The following MON1B variants were observed in gnomAD, a reference collection of about 807,000 sequenced individuals.
MON1B encodes the protein MON1 vesicular trafficking associated B, also known as vacuolar fusion protein MON1 homolog B.
MON1B carries 26 observed loss-of-function variants against 45.1 expected under a neutral mutation model. That is an observed-to-expected ratio of 0.58 (90% CI 0.42 to 0.80). MON1B has a LOEUF of 0.80. Among genes scored for constraint, MON1B ranks in the 30% least tolerant of loss-of-function variants. The pLI is 0.00. For synonymous variants in MON1B, 395 were observed against 320.2 expected (o/e 1.23, Z -2.49); for missense variants, 737 against 754.5 (o/e 0.98, Z 0.27).
chr16:77,200,291 T>TATACATATATATATATATATATAC lies in MON1B; in HGVS notation c.*1984_*1985insTACATATATATATATATATATACA. The TATACATATATATATATATATATAC allele has an allele frequency of 9.0e-6, 1 of 111,430 alleles. No individual in the cohort carries two copies. The highest frequency in any genetic ancestry group is 1.9e-5 in the Non-Finnish European group (1 of 52,240). The allele number at this position is 111,430 out of a possible 1,614,324, so 6.9% of individuals were successfully genotyped here. A position where few individuals can be genotyped will look rare whatever the true frequency, so the allele number is the denominator to read the frequency against. On this transcript the variant is annotated 3_prime_UTR_variant, in exon 6 of 6. Coordinates refer to ENST00000248248, the MANE Select transcript of MON1B (RefSeq NM_014940.4). ...ATATATGTGTATATATATATATATA[T>TATACATATATATATATATATATAC]ACACACACTAATCAGCCGGGCGCGG...
At position 77,199,433 on chromosome 16, in the gene MON1B, G is replaced by T. The variant is rs11544784; in HGVS notation, c.*1125G>T. The T allele has an allele frequency of 1.3e-6, 2 of 1,551,186 alleles. No individual in the cohort carries two copies. Among genetic ancestry groups the T allele is most frequent in the South Asian group, 1.2e-5 (1 of 84,018 alleles). On this transcript the variant is annotated 3_prime_UTR_variant, in exon 6 of 6. Coordinates refer to ENST00000248248, the MANE Select transcript of MON1B (RefSeq NM_014940.4). The stretch of plus-strand genomic sequence containing the variant: ...ACCAGTCATCAAGCGAGGCTCGCGC[G>T]CAGGCCCCGCGTTGGAAAATGGCGG...
In MON1B at chr16:77,191,480, G is replaced by A. The variant is rs370707619; in HGVS notation, c.-6G>A. On this transcript the variant is annotated 5_prime_UTR_variant, in exon 2 of 6. The change creates a new upstream start codon in the 5' untranslated region. Coordinates refer to ENST00000248248, the MANE Select transcript of MON1B (RefSeq NM_014940.4). Reference sequence around the variant, plus strand: ...CTCGATTCCCCTCCCACTCAGGGATGTGCAGATGGAGGTCGGAGGAGACAC... The same window carrying A: ...CTCGATTCCCCTCCCACTCAGGGATATGCAGATGGAGGTCGGAGGAGACAC... 11 of 1,600,202 alleles carry A rather than the reference G, an allele frequency of 6.9e-6. No individual in the cohort carries two copies. Among genetic ancestry groups the A allele is most frequent in the Non-Finnish European group, 9.4e-6 (11 of 1,175,504 alleles).
At position 77,193,937 on chromosome 16, in the gene MON1B, T is replaced by A; in HGVS notation, c.475+160T>A. 1.4e-6 allele frequency: 1 copy of A among 694,674 alleles called. No individual in the cohort carries two copies. The highest frequency in any genetic ancestry group is 2.4e-6 in the Non-Finnish European group (1 of 422,538). 43.0% of individuals were successfully genotyped at this position (694,674 alleles called of 1,614,324 possible). ...TGTCAGTGGCGGGAGGTGGGGGGGT[T>A]CATCTCTGTCTGGCCTGCTGGTTTC... On this transcript the variant is annotated intron_variant, in intron 3 of 5. Coordinates refer to ENST00000248248, the MANE Select transcript of MON1B (RefSeq NM_014940.4). The surrounding 1 kb of genome is among the most constrained non-coding windows in gnomAD (Gnocchi z 5.0).
intron 5 of MON1B, among the ~76,000 whole-genome samples, chr16:77,196,197 G>A (rs1342580934): frequency 3.3e-5 from 5 of 152,160 alleles, no homozygotes; most frequent in Admixed American, 6.5e-5. Flanking sequence ...AGTGAAGGAG[G>A]CCTCATCAGA....
chr16:77,196,355 T>G (rs888010399), intron 5 of MON1B, among the ~76,000 whole-genome samples: 8 of 151,526 alleles, frequency 5.3e-5, no homozygotes, highest in Non-Finnish European at 7.4e-5. Context: ...AAAAACAATA[T>G]AAAGAGTTTT....
In MON1B at chr16:77,194,678, G is replaced by T; in HGVS notation, c.819G>T (p.Leu273=). The part of the protein sequence containing the change: ...ALLRRCTAPG[L]ALSVLAVGGR... ...TCCGACGTTGCACAGCGCCTGGCCT[G>T]GCGCTGTCAGTGCTGGCAGTAGGCG... Residue 273 remains leucine, a synonymous_variant, in exon 4 of 6, where the codon CTG becomes CTT. Transcript: ENST00000248248. This position sits in a 1 kb window ranked among gnomAD's most constrained non-coding sequence, Gnocchi z 8.1. 2 of 1,613,908 alleles carry T rather than the reference G, an allele frequency of 1.2e-6. No individual in the cohort carries two copies. The highest frequency in any genetic ancestry group is 1.7e-6 in the Non-Finnish European group (2 of 1,179,894).
Position 77,194,288 on chromosome 16 carries a change from A to G in MON1B, c.476-47A>G, listed in dbSNP as rs765747197. On this transcript the variant is annotated intron_variant, in intron 3 of 5. Coordinates refer to ENST00000248248, the MANE Select transcript of MON1B (RefSeq NM_014940.4). This position sits in a 1 kb window ranked among gnomAD's most constrained non-coding sequence, Gnocchi z 8.1. ...AGAGCCCCACTGTCTCCCTCTGGTC[A>G]TTCCTGATCCAGCTGTACCCCCCCT... 2.6e-6 allele frequency: 4 copies of G among 1,523,202 alleles called. No individual in the cohort carries two copies. The highest frequency in any genetic ancestry group is 9.0e-7 in the Non-Finnish European group (1 of 1,111,278). 94.4% of individuals were successfully genotyped at this position (1,523,202 alleles called of 1,614,324 possible).
Position 77,198,597 on chromosome 16 carries a change from C to G in MON1B, c.*289C>G, listed in dbSNP as rs986987070. On this transcript the variant is annotated 3_prime_UTR_variant, in exon 6 of 6. Transcript: ENST00000248248. The stretch of plus-strand genomic sequence containing the variant: ...ACTTGGATGATGCTCTAGCCTCTGT[C>G]AGGGACTGTCCCCTCCAAACTTGCT... 1 of 449,874 alleles carries G rather than the reference C, an allele frequency of 2.2e-6. No homozygotes were observed. Among genetic ancestry groups the G allele is most frequent in the Non-Finnish European group, 4.1e-6 (1 of 244,090 alleles). The allele number at this position is 449,874 out of a possible 1,614,324, so 27.9% of individuals were successfully genotyped here. A position where few individuals can be genotyped will look rare whatever the true frequency, so the allele number is the denominator to read the frequency against.
At chr16:77,195,718 C>A in intron 5 of MON1B, 36 bp downstream of exon 5, 1 of 1,608,910 alleles carries the variant, frequency 6.2e-7, no homozygotes, top group Non-Finnish European at 8.5e-7. Flanking sequence ...ATTAATTCCC[C>A]ACTTCAAGCC....
chr16:77,191,334 T>C, intron 1 of MON1B, 76 bp downstream of exon 1: 1 of 1,552,192 alleles, frequency 6.4e-7, no homozygotes, highest in Non-Finnish European at 8.8e-7. Context: ...GGGACGTATT[T>C]GGGCATGATT....
In MON1B at chr16:77,194,072, CA is replaced by C. The variant is rs1289308815; in HGVS notation, c.476-262del. On this transcript the variant is annotated intron_variant, in intron 3 of 5. Coordinates refer to ENST00000248248, the MANE Select transcript of MON1B (RefSeq NM_014940.4). The surrounding 1 kb of genome is among the most constrained non-coding windows in gnomAD (Gnocchi z 8.1). ...GAGCTGTGTCTTTCTGGCTCTGTGT[CA>C]GCCCTTGTACCATCTCTACCCGCCT... 5 of 600,536 alleles carry C rather than the reference CA, an allele frequency of 8.3e-6. No individual in the cohort carries two copies. In the African/African-American group the frequency reaches 9.3e-5, roughly 11 times the overall value. The allele number at this position is 600,536 out of a possible 1,614,324, so 37.2% of individuals were successfully genotyped here. A position where few individuals can be genotyped will look rare whatever the true frequency, so the allele number is the denominator to read the frequency against.
chr16:77,195,406 G>A, intron 4 of MON1B, 129 bp from the exon 5 acceptor site: 1 of 1,262,146 alleles, frequency 7.9e-7, no homozygotes, highest in Non-Finnish European at 1.1e-6. Context: ...CAACCCCTGA[G>A]AATCCTCAAG....
rs900680891 is a variant in MON1B, at chr16:77,196,312, T to C, written c.1443+630T>C. Among the ~76,000 whole-genome samples, 6 of 152,284 alleles carry C rather than the reference T, an allele frequency of 3.9e-5. No individual in the cohort carries two copies. The East Asian group carries it at 1.2e-3, about 29-fold the overall frequency. ...TTTTGTTTTTAAATTTTTTTAACTT[T>C]CATTTTCAAATAACTTTAGACTTAG... On this transcript the variant is annotated intron_variant, in intron 5 of 5. Coordinates refer to ENST00000248248, the MANE Select transcript of MON1B (RefSeq NM_014940.4).
chr16:77,191,887 G>A (rs193149880), intron 2 of MON1B, among the ~76,000 whole-genome samples: 1 of 152,278 alleles, frequency 6.6e-6, no homozygotes, highest in East Asian at 1.9e-4. Flanking sequence ...AAAGGGGGCT[G>A]TTAGGACCAA....
Position 77,198,104 on chromosome 16 carries a change from C to T in MON1B, c.1444-4C>T, listed in dbSNP as rs533786757. ...TCTGACTCTGTCTCCTCCGAAACCC[C>T]CAGGTGACCTCCAAATTCGAGCTCT... On this transcript the variant is annotated splice_region_variant and splice_polypyrimidine_tract_variant and intron_variant, in intron 5 of 5. Coordinates refer to ENST00000248248, the MANE Select transcript of MON1B (RefSeq NM_014940.4). 4 of 1,613,968 alleles carry T rather than the reference C, an allele frequency of 2.5e-6. No individual in the cohort carries two copies. Among genetic ancestry groups the T allele is most frequent in the Non-Finnish European group, 3.4e-6 (4 of 1,179,968 alleles).
In MON1B at chr16:77,201,301, C is replaced by T. The variant is rs996163320; in HGVS notation, c.*2993C>T. ...GATCTCATTTATTAACTGTGTAATG[C>T]AGCTGCCACTGCAATTAAAAAAAAA... On this transcript the variant is annotated 3_prime_UTR_variant, in exon 6 of 6. Transcript: ENST00000248248. The T allele has an allele frequency of 1.3e-5, 2 of 152,110 alleles. No individual in the cohort carries two copies. Among genetic ancestry groups the T allele is most frequent in the African/African-American group, 4.8e-5 (2 of 41,420 alleles). 9.4% of individuals were successfully genotyped at this position (152,110 alleles called of 1,614,324 possible). A position where few individuals can be genotyped will look rare whatever the true frequency, so the allele number is the denominator to read the frequency against.
At position 77,201,001 on chromosome 16, in the gene MON1B, C is replaced by G. The variant is rs901469939; in HGVS notation, c.*2693C>G. 1 of 152,192 alleles carries G rather than the reference C, an allele frequency of 6.6e-6. No homozygotes were observed. The highest frequency in any genetic ancestry group is 1.5e-5 in the Non-Finnish European group (1 of 68,036). 9.4% of individuals were successfully genotyped at this position (152,192 alleles called of 1,614,324 possible). ...CCACTGTATTAACAAACACATTAGA[C>G]TGCATCCTGCCAGACCTACCCATAC... is the stretch of plus-strand genomic sequence containing the variant. On this transcript the variant is annotated 3_prime_UTR_variant, in exon 6 of 6. Coordinates refer to ENST00000248248, the MANE Select transcript of MON1B (RefSeq NM_014940.4).
intron 5 of MON1B, 91 bp from the exon 6 acceptor site, chr16:77,198,017 C>T (rs1187297231): frequency 3.2e-5 from 41 of 1,297,926 alleles, no homozygotes; most frequent in African/African-American, 1.5e-5. Context: ...TTCCAGGTTG[C>T]AGGAGGCAGA....
In MON1B at chr16:77,194,994, G is replaced by T. The variant is rs535618789; in HGVS notation, c.1135G>T (p.Ala379Ser). 1.2e-6 allele frequency: 2 copies of T among 1,613,616 alleles called. No individual in the cohort carries two copies. The highest frequency in any genetic ancestry group is 2.2e-5 in the East Asian group (1 of 44,864). The change falls in exon 4 of 6, where the codon GCC becomes TCC. Residue 379 changes from alanine (A) to serine (S), a missense_variant. Transcript: ENST00000248248. The surrounding 1 kb of genome is among the most constrained non-coding windows in gnomAD (Gnocchi z 8.1). ...TGAAGATGGGATGCATGCCCTTGGT[G>T]CCATGCGTGCCCTTGGGGAGGCTGC... Reference protein sequence around the residue: ...LVEDGMHALGAMRALGEAASF... With the variant: ...LVEDGMHALGSMRALGEAASF...
Sources: gnomAD v4.1 joint callset for allele counts (sites outside exome capture counted in the v4.1 genomes callset) on GRCh38, gnomAD v4.1.1 for gene constraint, Gnocchi (gnomAD v3.1) non-coding constraint, MANE v1.5 for transcripts, NCBI Gene and HGNC (gene_info 2026-07-23, HGNC 2026-07-21) for gene names.